The following SLC35F4 variants were observed in gnomAD, a reference collection of about 807,000 sequenced individuals.
The protein encoded by SLC35F4 is solute carrier family 35 member F4.
Under a neutral mutation model 44.2 loss-of-function variants are expected in SLC35F4, and 24 were observed. The observed-to-expected ratio is 0.54, with a 90% CI of 0.39 to 0.76. The LOEUF (loss-of-function observed/expected upper bound fraction) is 0.76. Ranked by LOEUF, SLC35F4 falls within the 30% of genes least tolerant of loss-of-function variation. SLC35F4 has a pLI of 0.00. For missense variants in SLC35F4, 562 were observed against 586.1 expected (o/e 0.96, Z 0.42); for synonymous variants, 238 against 223.6 (o/e 1.06, Z -0.57).
chr14:57,566,534 A>G lies in SLC35F4; in HGVS notation c.1157T>C (p.Val386Ala). 6.2e-7 allele frequency: 1 copy of G among 1,602,510 alleles called. No individual in the cohort carries two copies. Residue 386 changes from valine to alanine, a missense_variant, in exon 7 of 8, where the codon GTG (valine) becomes GCG (alanine). Transcript: ENST00000556826. ...GGAGATTAGGATTGGGTATGTCAGC[A>G]CCACCCCAACATTCACCAGGATGTT... ...AFNILVNVGV[V>A]LTYPILISIG...
At chr14:57,724,854 C>G (rs554372110) in intron 1 of SLC35F4, among the ~76,000 whole-genome samples, 3 of 152,302 alleles carry the variant, frequency 2.0e-5, no homozygotes, top group Admixed American at 2.0e-4. Flanking sequence ...GTGGGCAGAA[C>G]TTTGAGCAGT....
intron 1 of SLC35F4, among the ~76,000 whole-genome samples, chr14:57,775,849 G>C (rs2077475127): frequency 6.6e-6 from 1 of 152,188 alleles, no homozygotes; most frequent in East Asian, 1.9e-4. Flanking sequence ...TAGAAATGAA[G>C]ATCATTGAGA....
chr14:57,645,910 T>C (rs2073484564), intron 1 of SLC35F4, among the ~76,000 whole-genome samples: 1 of 152,156 alleles, frequency 6.6e-6, no homozygotes, highest in South Asian at 2.1e-4. Context: ...GTTCCGTTTA[T>C]ATGCTGGATT....
chr14:57,628,332 G>T (rs1387284161), intron 1 of SLC35F4, among the ~76,000 whole-genome samples: 2 of 141,458 alleles, frequency 1.4e-5, no homozygotes, highest in Non-Finnish European at 3.1e-5. Flanking sequence ...AAGTTCTGGG[G>T]TACATGTGCA....
At chr14:57,646,546 AT>A (rs1223362732) in intron 1 of SLC35F4, among the ~76,000 whole-genome samples, 1 of 151,920 alleles carries the variant, frequency 6.6e-6, no homozygotes, top group Non-Finnish European at 1.5e-5. Flanking sequence ...CGGTCTATCT[AT>A]TTTGTTGATC....
At chr14:57,854,685 A>G (rs560821368) in intron 1 of SLC35F4, among the ~76,000 whole-genome samples, 1 of 152,290 alleles carries the variant, frequency 6.6e-6, no homozygotes, top group East Asian at 1.9e-4. Flanking sequence ...ATCTGCAGAC[A>G]TGTAGACCCA....
intron 1 of SLC35F4, among the ~76,000 whole-genome samples, chr14:57,712,526 A>C (rs1451630301): frequency 6.6e-6 from 1 of 152,186 alleles, no homozygotes; most frequent in Non-Finnish European, 1.5e-5. Context: ...ACAAATTGGT[A>C]TCTCACACGT....
intron 1 of SLC35F4, among the ~76,000 whole-genome samples, chr14:57,654,474 T>G (rs1002386897): frequency 5.9e-5 from 9 of 152,224 alleles, no homozygotes; most frequent in African/African-American, 2.2e-4. Context: ...TACCACATTT[T>G]CTTTATCCAC....
At chr14:57,670,989 C>T (rs1331658899) in intron 1 of SLC35F4, among the ~76,000 whole-genome samples, 1 of 149,672 alleles carries the variant, frequency 6.7e-6, no homozygotes, top group African/African-American at 2.5e-5. Flanking sequence ...ACTGCAACCT[C>T]CGCCTCCCGG....
chr14:57,784,050 G>A (rs1381969701), intron 1 of SLC35F4, among the ~76,000 whole-genome samples: 1 of 152,146 alleles, frequency 6.6e-6, no homozygotes, highest in Non-Finnish European at 1.5e-5. Flanking sequence ...TTATGACAGA[G>A]CTAATCAAGG....
downstream of SLC35F4, among the ~76,000 whole-genome samples, chr14:57,976,229 A>G (rs1881212140): frequency 6.6e-6 from 1 of 152,216 alleles, no homozygotes; most frequent in African/African-American, 2.4e-5. Flanking sequence ...ACATGTGTCC[A>G]TTTGCTAGGG....
chr14:57,853,647 T>C (rs1886793456), intron 1 of SLC35F4, among the ~76,000 whole-genome samples: 1 of 152,158 alleles, frequency 6.6e-6, no homozygotes, highest in Non-Finnish European at 1.5e-5. Context: ...CTCTCTTGAA[T>C]AGAGGACACG....
intron 1 of SLC35F4, among the ~76,000 whole-genome samples, chr14:57,691,882 GATCA>G (rs1263831185): frequency 1.3e-5 from 2 of 152,196 alleles, no homozygotes; most frequent in African/African-American, 4.8e-5. Flanking sequence ...GTCTCAGTGA[GATCA>G]ATCTTGCAGG....
intron 1 of SLC35F4, among the ~76,000 whole-genome samples, chr14:57,707,161 T>C (rs1481191829): frequency 3.3e-5 from 5 of 152,210 alleles, no homozygotes. Flanking sequence ...TAACTCCCAC[T>C]TATCTGATTT....
chr14:57,589,562 A>C lies in SLC35F4; in HGVS notation c.290-49T>G, dbSNP rs759647749. ...ATGTGAGGAAAGCAGGTTATGAAAC[A>C]GCAATCAAATATATCAGCTCCTTAA... On this transcript the variant is annotated intron_variant, in intron 2 of 7. Coordinates refer to ENST00000556826, the MANE Select transcript of SLC35F4 (RefSeq NM_001306087.2). 5.3e-6 allele frequency: 8 copies of C among 1,517,432 alleles called. No individual in the cohort carries two copies. In the Admixed American group the frequency reaches 1.7e-4, roughly 33 times the overall value. 94.0% of individuals were successfully genotyped at this position (1,517,432 alleles called of 1,614,324 possible). A position where few individuals can be genotyped will look rare whatever the true frequency, so the allele number is the denominator to read the frequency against.
chr14:57,849,177 CT>C (rs1886313631), intron 1 of SLC35F4, among the ~76,000 whole-genome samples: 1 of 152,166 alleles, frequency 6.6e-6, no homozygotes. Flanking sequence ...AGAATACTGA[CT>C]AACAATTTTG....
intron 6 of SLC35F4, among the ~76,000 whole-genome samples, chr14:57,566,909 G>A (rs1417022172): frequency 1.3e-5 from 2 of 152,198 alleles, no homozygotes; most frequent in African/African-American, 2.4e-5. Context: ...GATTGAAGAT[G>A]GTGCCTCATC....
At chr14:57,981,387 C>T (rs1437116039) in intron 1 of SLC35F4, among the ~76,000 whole-genome samples, 1 of 152,058 alleles carries the variant, frequency 6.6e-6, no homozygotes, top group Non-Finnish European at 1.5e-5. Context: ...TTGATATTAC[C>T]CCCATTTTAG....
At chr14:57,736,587 G>A (rs946049283) in intron 1 of SLC35F4, among the ~76,000 whole-genome samples, 1 of 152,284 alleles carries the variant, frequency 6.6e-6, no homozygotes, top group African/African-American at 2.4e-5. Context: ...AGGCCCAGGA[G>A]GCAGCTGATC....
Sources: allele counts gnomAD v4.1 joint callset (sites outside exome capture counted in the v4.1 genomes callset), GRCh38; gene constraint gnomAD v4.1.1; transcripts MANE v1.5; gene names NCBI Gene and HGNC (gene_info 2026-07-23, HGNC 2026-07-21).